The following RCBTB1 variants were observed in gnomAD, a reference collection of about 807,000 sequenced individuals.
The protein encoded by RCBTB1 is RCC1 and BTB domain containing protein 1.
Under a neutral mutation model 62.4 loss-of-function variants are expected in RCBTB1, and 46 were observed. The ratio of observed to expected loss-of-function variants is 0.74; its 90% confidence interval spans 0.58 to 0.94. The LOEUF is 0.94. RCBTB1 is among the 40% of genes least tolerant of loss of function. RCBTB1 has a pLI of 0.00. For synonymous variants in RCBTB1, 222 were observed against 245.8 expected (o/e 0.90, Z 0.91); for missense variants, 565 against 654.9 (o/e 0.86, Z 1.50).
intron 5 of RCBTB1, among the ~76,000 whole-genome samples, chr13:49,556,056 C>T (rs899186307): frequency 1.3e-5 from 2 of 152,194 alleles, no homozygotes; most frequent in African/African-American, 4.8e-5. Context: ...CACAACTACA[C>T]ATACACACAT....
chr13:49,542,955 G>A (rs181881189), intron 10 of RCBTB1, among the ~76,000 whole-genome samples: 5 of 152,162 alleles, frequency 3.3e-5, no homozygotes, highest in Admixed American at 2.6e-4. Flanking sequence ...AGTGAGATAC[G>A]GCACAAAGAG....
chr13:49,580,992 A>G (rs1594362785), intron 1 of RCBTB1, among the ~76,000 whole-genome samples: 1 of 152,196 alleles, frequency 6.6e-6, no homozygotes, highest in East Asian at 1.9e-4. Context: ...CTACCTAAAG[A>G]GAAGCAGGCG....
intron 2 of RCBTB1, among the ~76,000 whole-genome samples, chr13:49,576,216 A>AT (rs989021543): frequency 8.2e-5 from 11 of 133,698 alleles, no homozygotes; most frequent in African/African-American, 2.7e-4. Context: ...AGTTGAGATG[A>AT]TTTTTTTTAA....
chr13:49,539,042 G>A (rs936443054), intron 12 of RCBTB1, among the ~76,000 whole-genome samples: 3 of 151,822 alleles, frequency 2.0e-5, no homozygotes, highest in Non-Finnish European at 4.4e-5. Flanking sequence ...GCTAATTTTT[G>A]TATTTTTAGT....
intron 2 of RCBTB1, among the ~76,000 whole-genome samples, chr13:49,572,088 A>C (rs1963436411): frequency 6.6e-6 from 1 of 152,166 alleles, no homozygotes; most frequent in Admixed American, 6.5e-5. Flanking sequence ...GCACTTTGGG[A>C]GGTAGAGGCA....
At chr13:49,547,761 G>A (rs914485063) in intron 9 of RCBTB1, among the ~76,000 whole-genome samples, 2 of 152,108 alleles carry the variant, frequency 1.3e-5, no homozygotes, top group Non-Finnish European at 2.9e-5. Context: ...AGAAGATGGG[G>A]TTAATGTGTC....
At chr13:49,548,109 G>A (rs1294221959) in intron 9 of RCBTB1, among the ~76,000 whole-genome samples, 2 of 150,526 alleles carry the variant, frequency 1.3e-5, no homozygotes. Flanking sequence ...GTTCATTTTT[G>A]GACCAGGCGC....
chr13:49,561,344 T>G (rs1289525007), intron 4 of RCBTB1, among the ~76,000 whole-genome samples: 1 of 152,290 alleles, frequency 6.6e-6, no homozygotes, highest in South Asian at 2.1e-4. Flanking sequence ...AGAGTCCTCT[T>G]CCAGGTGACA....
chr13:49,572,918 A>G (rs1963504457), intron 2 of RCBTB1, among the ~76,000 whole-genome samples: 1 of 152,212 alleles, frequency 6.6e-6, no homozygotes, highest in African/African-American at 2.4e-5. Context: ...GGCACTGCTA[A>G]TGGAAAGAAC....
Position 49,560,035 on chromosome 13 carries a change from A to G in RCBTB1, c.327T>C (p.Asn109=), listed in dbSNP as rs1265155961. The part of the protein sequence containing the change: ...WGHNGYSQLG[N]GTTNQGIAPV... ...GAGCAATGCCTTGGTTGGTCGTCCCATTCCCAAGCTGGCTATATCCATTGT... is the reference window on the plus strand; with the variant it reads ...GAGCAATGCCTTGGTTGGTCGTCCCGTTCCCAAGCTGGCTATATCCATTGT... Residue 109 remains asparagine, a synonymous_variant, in exon 5 of 13, where the codon AAT becomes AAC. Coordinates refer to ENST00000378302, the MANE Select transcript of RCBTB1 (RefSeq NM_018191.4). The G allele has an allele frequency of 1.2e-6, 2 of 1,614,084 alleles. No individual in the cohort carries two copies. Among genetic ancestry groups the G allele is most frequent in the African/African-American group, 2.7e-5 (2 of 74,932 alleles).
chr13:49,569,581 T>C (rs1963260756), intron 2 of RCBTB1, among the ~76,000 whole-genome samples: 1 of 152,016 alleles, frequency 6.6e-6, no homozygotes, highest in Non-Finnish European at 1.5e-5. Flanking sequence ...CTGGCGGTAG[T>C]GGCGCATGCC....
chr13:49,544,850 A>G lies in RCBTB1; in HGVS notation c.1059T>C (p.Phe353=). 4 of 1,611,736 alleles carry G rather than the reference A, an allele frequency of 2.5e-6. No homozygotes were observed. Among genetic ancestry groups the G allele is most frequent in the Non-Finnish European group, 3.4e-6 (4 of 1,179,414 alleles). The change falls in exon 10 of 13, where the codon TTT becomes TTC. Residue 353 remains phenylalanine, a synonymous_variant. Coordinates refer to ENST00000378302, the MANE Select transcript of RCBTB1 (RefSeq NM_018191.4). The part of the protein sequence containing the change: ...WRLLSVEHED[F]LTVAESLKKE... ...TCTTCAGTGACTCTGCAACTGTTAA[A>G]AAGTCTTCATGCTCTGAAGGCAACA...
intron 4 of RCBTB1, among the ~76,000 whole-genome samples, chr13:49,566,041 T>C (rs1219601906): frequency 6.9e-6 from 1 of 145,246 alleles, no homozygotes; most frequent in Non-Finnish European, 1.5e-5. Flanking sequence ...ATGTGCTTTG[T>C]TAAACAGATG....
At position 49,541,679 on chromosome 13, in the gene RCBTB1, T is replaced by C. The variant is rs759533533; in HGVS notation, c.1321A>G (p.Ile441Val). ...DTVDLPPEDA[I>V]GLLDLATSYC... ...CATCCCAATGCTACCACAGTACCTA[T>C]AGCATCTTCTGGCGGCAGGTCGACT... Residue 441 changes from isoleucine (I) to valine (V), a missense_variant, in exon 11 of 13, where the codon ATA becomes GTA. By Grantham distance (29) the Ile-to-Val change is conservative (BLOSUM62 3). Transcript: ENST00000378302. 9.9e-6 allele frequency: 16 copies of C among 1,611,486 alleles called. No individual in the cohort carries two copies. The highest frequency in any genetic ancestry group is 1.6e-4 in the Middle Eastern group (1 of 6,072).
intron 10 of RCBTB1, 50 bp from the exon 11 acceptor site, chr13:49,541,877 A>G (rs912944459): frequency 4.0e-5 from 61 of 1,544,058 alleles, no homozygotes; most frequent in Non-Finnish European, 4.7e-5. Flanking sequence ...ATTTTTAAAA[A>G]AGAAAAAAAA....
At chr13:49,534,587 C>G (rs966506620) in intron 12 of RCBTB1, among the ~76,000 whole-genome samples, 1 of 152,136 alleles carries the variant, frequency 6.6e-6, no homozygotes, top group Non-Finnish European at 1.5e-5. Flanking sequence ...TAGTTATGCT[C>G]AAAGACATTG....
chr13:49,577,618 T>C (rs767940265), intron 2 of RCBTB1, among the ~76,000 whole-genome samples: 11 of 151,708 alleles, frequency 7.3e-5, no homozygotes, highest in Non-Finnish European at 1.6e-4. Context: ...AGGAAAAGAG[T>C]GGGAAAAGAG....
At chr13:49,547,581 T>A (rs1960910503) in intron 9 of RCBTB1, among the ~76,000 whole-genome samples, 1 of 152,228 alleles carries the variant, frequency 6.6e-6, no homozygotes, top group South Asian at 2.1e-4. Flanking sequence ...TAAGACATCC[T>A]AGCTTTTTCA....
intron 2 of RCBTB1, among the ~76,000 whole-genome samples, chr13:49,570,611 T>A (rs934913128): frequency 5.3e-5 from 8 of 152,120 alleles, no homozygotes; most frequent in Non-Finnish European, 7.4e-5. Flanking sequence ...CAAGATATAA[T>A]GAAGAAGCTG....
Sources: gnomAD v4.1 joint callset for allele counts (sites outside exome capture counted in the v4.1 genomes callset) on GRCh38, gnomAD v4.1.1 for gene constraint, MANE v1.5 for transcripts, NCBI Gene and HGNC (gene_info 2026-07-23, HGNC 2026-07-21) for gene names.